Variants in EML1 observed in about 807,000 individuals in gnomAD.
The protein encoded by EML1 is EMAP like 1.
A neutral mutation model predicts 110.4 loss-of-function variants in EML1; 27 were observed. That is an observed-to-expected ratio of 0.24 (90% confidence interval 0.18 to 0.34). The LOEUF (loss-of-function observed/expected upper bound fraction) is 0.34, where lower values mean the gene tolerates loss of function less well. EML1 is among the 10% of genes least tolerant of loss of function. The probability of loss-of-function intolerance (pLI) is 1.00; values close to 1 mark genes in which losing one functional copy is unlikely to be tolerated. For synonymous variants in EML1, 344 were observed against 385.8 expected, an observed-to-expected ratio of 0.89 and a Z score of 1.27; for missense variants, 741 against 1,030.9, an observed-to-expected ratio of 0.72 and a Z score of 3.85.
upstream of EML1, among the ~76,000 whole-genome samples, chr14:99,770,377 T>TTCTTTCTATCTATCTATCTATCTA (rs1555388115): frequency 3.5e-4 from 52 of 150,302 alleles, no homozygotes; most frequent in African/African-American, 1.2e-3. Context: ...AAAAATTTCT[T>TTCTTTCTATCTATCTATCTATCTA]TCTATCTATC....
chr14:99,742,026 C>T (rs1352598138), intron 1 of EML1, among the ~76,000 whole-genome samples: 5 of 152,188 alleles, frequency 3.3e-5, no homozygotes, highest in African/African-American at 1.2e-4. Context: ...GGGCAGCCCT[C>T]CTTCGTGTGT....
chr14:99,796,185 TC>T (rs1188607735), intron 1 of EML1, among the ~76,000 whole-genome samples: 64 of 67,318 alleles, frequency 9.5e-4, no homozygotes, highest in African/African-American at 3.6e-3. Context: ...AGACCCTGTC[TC>T]AGAGAGAGAG....
intron 1 of EML1, among the ~76,000 whole-genome samples, chr14:99,766,222 TCTCA>T (rs2057368018): frequency 7.1e-6 from 1 of 141,806 alleles, no homozygotes; most frequent in South Asian, 2.2e-4. Flanking sequence ...TGAGACAGAG[TCTCA>T]CTCTGTTGCC....
intron 1 of EML1, among the ~76,000 whole-genome samples, chr14:99,832,939 T>TAC (rs1566888439): frequency 5.9e-5 from 9 of 152,336 alleles, no homozygotes; most frequent in South Asian, 2.1e-4. Context: ...CATGTGTCGG[T>TAC]TCTTACATGG....
chr14:99,745,499 G>A (rs1395920195), intron 1 of EML1, among the ~76,000 whole-genome samples: 1 of 152,242 alleles, frequency 6.6e-6, no homozygotes, highest in Non-Finnish European at 1.5e-5. Flanking sequence ...TGCTTTGTAT[G>A]AGATAAGATC....
intron 1 of EML1, among the ~76,000 whole-genome samples, chr14:99,755,763 C>T (rs1315098207): frequency 6.6e-6 from 1 of 152,176 alleles, no homozygotes; most frequent in African/African-American, 2.4e-5. Context: ...CCGCAAGGGG[C>T]AGGGTGGGGA....
rs554560752 is a variant in EML1, at chr14:99,874,923, A to G, written c.384-3562A>G. On this transcript the variant is annotated intron_variant, in intron 3 of 21. Coordinates refer to ENST00000262233, the MANE Select transcript of EML1 (RefSeq NM_004434.3). ...ATTCTGCTTTATTTCTGTGCCTCTTATATGTAGATTAAACAGATCTGTGAG... is the reference window on the plus strand; with the variant it reads ...ATTCTGCTTTATTTCTGTGCCTCTTGTATGTAGATTAAACAGATCTGTGAG... The G allele has an allele frequency of 1.2e-5, 20 of 1,611,258 alleles. No individual in the cohort carries two copies. The South Asian group carries it at 1.6e-4, about 12-fold the overall frequency.
At chr14:99,810,853 A>G (rs556774529) in intron 1 of EML1, among the ~76,000 whole-genome samples, 3 of 152,352 alleles carry the variant, frequency 2.0e-5, no homozygotes, top group South Asian at 4.1e-4. Flanking sequence ...AAAATGATAC[A>G]TATGTGATGT....
chr14:99,853,329 A>G (rs879887494), intron 2 of EML1, among the ~76,000 whole-genome samples: 1 of 152,230 alleles, frequency 6.6e-6, no homozygotes, highest in Non-Finnish European at 1.5e-5. Flanking sequence ...CTTTCTGTGC[A>G]GCTAATTAGA....
rs1485344017 is a variant in EML1, at chr14:99,766,445, C to A, written c.28+28585C>A. Among the ~76,000 whole-genome samples, 4 of 152,166 alleles carry A rather than the reference C, an allele frequency of 2.6e-5. No individual in the cohort carries two copies. The East Asian group carries it at 7.8e-4, about 30-fold the overall frequency. The stretch of plus-strand genomic sequence containing the variant: ...CTGATCTTAGGGGATCCACCCACCT[C>A]TGCCTCCCAAATTGCTGGGATTACA... On this transcript the variant is annotated intron_variant, in intron 1 of 10. Coordinates refer to the EML1 transcript ENST00000554479.
chr14:99,888,958 C>T (rs80197993), intron 4 of EML1, among the ~76,000 whole-genome samples: 3,195 of 152,242 alleles, frequency 0.021, 127 homozygotes, highest in African/African-American at 0.073. Context: ...AGACGCACTC[C>T]GCTTTTCCCC....
At chr14:99,851,990 T>A (rs1333632182) in intron 2 of EML1, among the ~76,000 whole-genome samples, 2 of 152,216 alleles carry the variant, frequency 1.3e-5, no homozygotes, top group East Asian at 3.9e-4. Flanking sequence ...CCTGGTAGAT[T>A]TCTAGCAAAT....
upstream of EML1, among the ~76,000 whole-genome samples, chr14:99,788,452 T>C (rs74084736): frequency 6.7e-3 from 1,015 of 152,256 alleles, 4 homozygotes; most frequent in African/African-American, 0.023. Context: ...TGTGTTAGAA[T>C]ATACACAACA....
rs576426542 is a variant in EML1, at chr14:99,780,897, C to T, written c.-27+6884C>T. Among the ~76,000 whole-genome samples the T allele has an allele frequency of 1.6e-4, 24 of 152,290 alleles. No individual in the cohort carries two copies. In the South Asian group the frequency reaches 2.3e-3, roughly 14 times the overall value. On this transcript the variant is annotated intron_variant, in intron 1 of 22. Coordinates refer to the EML1 transcript ENST00000327921. ...GCTTATGTAAGTGCACTCTACGATG[C>T]TCGCACAATGATGAAATTGCCTAAC... is the stretch of plus-strand genomic sequence containing the variant.
At chr14:99,932,038 A>G (rs1386517145) in intron 17 of EML1, among the ~76,000 whole-genome samples, 1 of 152,066 alleles carries the variant, frequency 6.6e-6, no homozygotes, top group African/African-American at 2.4e-5. Context: ...CACATCACGC[A>G]CTGGTGGGTG....
chr14:99,936,037 T>A lies in EML1; in HGVS notation c.1918T>A (p.Phe640Ile). 1.2e-6 allele frequency: 2 copies of A among 1,613,996 alleles called. No homozygotes were observed. The highest frequency in any genetic ancestry group is 2.7e-5 in the African/African-American group (2 of 75,046). ...TTGTCATCTTTTTATAGATGGGAAT[T>A]TCTTAGCCATAGGCTCACATGACAA... ...SVMRYSPDGN[F>I]LAIGSHDNCI... is the part of the protein sequence containing the mutation. The change falls in exon 18 of 22, where the codon TTC becomes ATC. Residue 640 changes from phenylalanine (F) to isoleucine (I), a missense_variant. By Grantham distance (21) the Phe-to-Ile change is conservative. Coordinates refer to ENST00000262233, the MANE Select transcript of EML1 (RefSeq NM_004434.3). The surrounding 1 kb of genome is among the most constrained non-coding windows in gnomAD (Gnocchi z 5.5).
intron 1 of EML1, chr14:99,850,286 G>A (rs1441103875): frequency 1.9e-5 from 25 of 1,288,472 alleles, no homozygotes; most frequent in Middle Eastern, 2.1e-4. Context: ...AGAAGATCAC[G>A]GAGAGGTTTA....
intron 2 of EML1, among the ~76,000 whole-genome samples, chr14:99,852,316 T>A (rs2058824535): frequency 6.6e-6 from 1 of 152,204 alleles, no homozygotes; most frequent in African/African-American, 2.4e-5. Context: ...GATGTTCCTT[T>A]AAAAATACCT....
chr14:99,768,243 G>T (rs954826218), upstream of EML1, among the ~76,000 whole-genome samples: 1 of 152,312 alleles, frequency 6.6e-6, no homozygotes, highest in South Asian at 2.1e-4. Flanking sequence ...ACAATGCCAC[G>T]TGCTAAGTGA....
Sources: allele counts gnomAD v4.1 joint callset (sites outside exome capture counted in the v4.1 genomes callset), GRCh38; gene constraint gnomAD v4.1.1; non-coding constraint Gnocchi (gnomAD v3.1); transcripts MANE v1.5; gene names NCBI Gene and HGNC (gene_info 2026-07-23, HGNC 2026-07-21).